STRAP: variants seen among roughly 807,000 people sequenced by gnomAD.
STRAP encodes the protein serine-threonine kinase receptor-associated protein.
Under a neutral mutation model 47.0 loss-of-function variants are expected in STRAP, and 16 were observed. The ratio of observed to expected loss-of-function variants is 0.34; its 90% CI spans 0.23 to 0.52. The LOEUF is 0.52. STRAP is among the 20% of genes least tolerant of loss of function. The pLI is 0.96. For synonymous variants in STRAP, 130 were observed against 142.7 expected, an observed-to-expected ratio of 0.91 and a Z score of 0.63; for missense variants, 293 against 420.0, an observed-to-expected ratio of 0.70 and a Z score of 2.64.
At chr12:15,897,445 TTAA>T (rs1244700677) in intron 6 of STRAP, among the ~76,000 whole-genome samples, 1 of 152,146 alleles carries the variant, frequency 6.6e-6, no homozygotes, top group African/African-American at 2.4e-5. Flanking sequence ...CCTTCAGCAA[TTAA>T]TAATAATATA....
At chr12:15,889,341 A>G (rs938385310) in intron 2 of STRAP, among the ~76,000 whole-genome samples, 1 of 152,154 alleles carries the variant, frequency 6.6e-6, no homozygotes, top group Non-Finnish European at 1.5e-5. Context: ...GTTTGGGGGA[A>G]GTTAACTGTA....
At position 15,882,476 on chromosome 12, in the gene STRAP, T is replaced by G; in HGVS notation, c.-232T>G. The G allele has an allele frequency of 2.4e-6, 1 of 421,260 alleles. No individual in the cohort carries two copies. The highest frequency in any genetic ancestry group is 4.6e-5 in the East Asian group (1 of 21,560). The allele number at this position is 421,260 out of a possible 1,614,324, so 26.1% of individuals were successfully genotyped here. Reference sequence around the variant, plus strand: ...TCTCCCCATCCCCTACTTTCCTCCCTCCCTCCCTTTCCCTCCCTCGTCGAC... The same window carrying G: ...TCTCCCCATCCCCTACTTTCCTCCCGCCCTCCCTTTCCCTCCCTCGTCGAC... On this transcript the variant is annotated 5_prime_UTR_variant, in exon 1 of 10. Transcript: ENST00000419869.
At chr12:15,899,425 G>A (rs987363215) in intron 7 of STRAP, among the ~76,000 whole-genome samples, 3 of 152,144 alleles carry the variant, frequency 2.0e-5, no homozygotes, top group African/African-American at 7.2e-5. Flanking sequence ...TCACCTTTCT[G>A]TGTGACAGAA....
At chr12:15,886,490 C>T (rs1947973703) in intron 2 of STRAP, among the ~76,000 whole-genome samples, 2 of 152,134 alleles carry the variant, frequency 1.3e-5, no homozygotes, top group South Asian at 4.1e-4. Context: ...GGGACTAAGA[C>T]CCATGAGATT....
intron 1 of STRAP, 155 bp downstream of exon 1, chr12:15,882,974 G>T (rs957636764): frequency 3.6e-6 from 5 of 1,384,932 alleles, no homozygotes; most frequent in Non-Finnish European, 4.0e-6. Context: ...GGTGGAGAAA[G>T]GAGTGTGTTA....
chr12:15,893,802 A>G (rs192809928), intron 4 of STRAP, among the ~76,000 whole-genome samples: 28 of 151,790 alleles, frequency 1.8e-4, no homozygotes, highest in African/African-American at 6.8e-4. Context: ...TGAGTGGTGC[A>G]TTCACTCAGC....
At chr12:15,888,615 G>C (rs1475235710) in intron 2 of STRAP, among the ~76,000 whole-genome samples, 1 of 152,008 alleles carries the variant, frequency 6.6e-6, no homozygotes, top group Non-Finnish European at 1.5e-5. Context: ...TGCTTATCTA[G>C]AATAGCCTTC....
At chr12:15,884,398 C>G (rs1947951161) in intron 2 of STRAP, among the ~76,000 whole-genome samples, 3 of 152,182 alleles carry the variant, frequency 2.0e-5, no homozygotes, top group Admixed American at 2.0e-4. Context: ...ATCTTCCTGT[C>G]TTCCCTTTGC....
intron 2 of STRAP, among the ~76,000 whole-genome samples, chr12:15,885,605 G>C (rs937841344): frequency 6.6e-6 from 1 of 150,662 alleles, no homozygotes; most frequent in Middle Eastern, 3.4e-3. Flanking sequence ...AAGGCTGATT[G>C]ACTGTGGTGG....
In STRAP at chr12:15,890,731, A is replaced by G. The variant is rs1948008128; in HGVS notation, c.403+62A>G. ...TTCTTTTAATTTAAATAACTGATTA[A>G]AGAATTTCATGCTCAGTACTCAAAT... On this transcript the variant is annotated intron_variant, in intron 4 of 9. Transcript: ENST00000419869. This position sits in a 1 kb window ranked among gnomAD's most constrained non-coding sequence, Gnocchi z 4.5. 7.1e-7 allele frequency: 1 copy of G among 1,414,340 alleles called. No homozygotes were observed. Among genetic ancestry groups the G allele is most frequent in the Admixed American group, 2.0e-5 (1 of 49,328 alleles). 87.6% of individuals were successfully genotyped at this position (1,414,340 alleles called of 1,614,324 possible).
chr12:15,891,455 C>A (rs1156400125), intron 4 of STRAP, among the ~76,000 whole-genome samples: 1 of 152,168 alleles, frequency 6.6e-6, no homozygotes, highest in East Asian at 1.9e-4. Context: ...TAATGACTTT[C>A]TGGTTTTCCA....
chr12:15,888,118 A>C (rs1947986036), intron 2 of STRAP, among the ~76,000 whole-genome samples: 1 of 152,228 alleles, frequency 6.6e-6, no homozygotes, highest in Non-Finnish European at 1.5e-5. Context: ...GTGGGAGAAC[A>C]GAAAGGAATG....
chr12:15,903,067 AG>A lies in STRAP; in HGVS notation c.*91del. On this transcript the variant is annotated 3_prime_UTR_variant, in exon 10 of 10. Coordinates refer to ENST00000419869, the MANE Select transcript of STRAP (RefSeq NM_007178.4). ...GCCTTCCAGAGTTACTGTCTGCTTA[AG>A]GCAGAAACAGCAGTAAATAATGAGG... 2 of 1,347,590 alleles carry A rather than the reference AG, an allele frequency of 1.5e-6. No individual in the cohort carries two copies. The highest frequency in any genetic ancestry group is 2.0e-6 in the Non-Finnish European group (2 of 1,011,714). The allele number at this position is 1,347,590 out of a possible 1,614,324, so 83.5% of individuals were successfully genotyped here.
Position 15,896,542 on chromosome 12 carries a change from G to GT in STRAP, c.638+1057dup, listed in dbSNP as rs371747383. ...ATATATGTGGGTGTACAGTATTTGT[G>GT]TTTTTTTTTTTAATTACTAGGACCA... On this transcript the variant is annotated intron_variant, in intron 6 of 9. Coordinates refer to ENST00000419869, the MANE Select transcript of STRAP (RefSeq NM_007178.4). The surrounding 1 kb of genome is among the most constrained non-coding windows in gnomAD (Gnocchi z 4.1). Among the ~76,000 whole-genome samples, 61 of 145,368 alleles carry GT rather than the reference G, an allele frequency of 4.2e-4. 1 individual carries two copies. The highest frequency in any genetic ancestry group is 1.7e-3 in the South Asian group (8 of 4,584).
chr12:15,891,780 T>C (rs768074349), intron 4 of STRAP, among the ~76,000 whole-genome samples: 6 of 151,952 alleles, frequency 3.9e-5, no homozygotes, highest in Non-Finnish European at 5.9e-5. Flanking sequence ...CCATCTCTAC[T>C]AAAAGTACAA....
At chr12:15,888,159 T>A (rs1385699315) in intron 2 of STRAP, among the ~76,000 whole-genome samples, 3 of 152,174 alleles carry the variant, frequency 2.0e-5, no homozygotes, top group Non-Finnish European at 4.4e-5. Flanking sequence ...ATAAATAGTT[T>A]CAAAGAAAAG....
At chr12:15,898,088 T>TGA in intron 7 of STRAP, 70 bp downstream of exon 7, 1 of 1,197,124 alleles carries the variant, frequency 8.4e-7, no homozygotes, top group South Asian at 1.5e-5. Flanking sequence ...AACACCTCAT[T>TGA]TATATATATA....
At position 15,894,684 on chromosome 12, in the gene STRAP, C is replaced by A. The variant is rs906678242; in HGVS notation, c.500+541C>A. On this transcript the variant is annotated intron_variant, in intron 5 of 9. Coordinates refer to ENST00000419869, the MANE Select transcript of STRAP (RefSeq NM_007178.4). This position sits in a 1 kb window ranked among gnomAD's most constrained non-coding sequence, Gnocchi z 4.9. ...TGAGACTTTGAGTGCCGACTTGATG[C>A]TTAAAGGAAATGCTCATTGGAGCAT... Among the ~76,000 whole-genome samples, 6 of 152,122 alleles carry A rather than the reference C, an allele frequency of 3.9e-5. No individual in the cohort carries two copies. The highest frequency in any genetic ancestry group is 5.9e-5 in the Non-Finnish European group (4 of 68,022).
intron 2 of STRAP, among the ~76,000 whole-genome samples, chr12:15,884,670 G>A (rs771365817): frequency 6.6e-6 from 1 of 152,088 alleles, no homozygotes; most frequent in Non-Finnish European, 1.5e-5. Flanking sequence ...AAAGAGCTGG[G>A]GTTACGGGGG....
Sources: gnomAD v4.1 joint callset for allele counts (sites outside exome capture counted in the v4.1 genomes callset) on GRCh38, gnomAD v4.1.1 for gene constraint, Gnocchi (gnomAD v3.1) non-coding constraint, MANE v1.5 for transcripts, NCBI Gene and HGNC (gene_info 2026-07-23, HGNC 2026-07-21) for gene names.